The following CERKL variants were observed in gnomAD, a reference collection of about 807,000 sequenced individuals.
CERKL encodes the protein ceramide kinase-like protein.
A neutral mutation model predicts 63.4 loss-of-function variants in CERKL; 61 were observed. The ratio of observed to expected loss-of-function variants is 0.96; its 90% CI spans 0.78 to 1.19. The LOEUF (loss-of-function observed/expected upper bound fraction) is 1.19, where lower values mean the gene tolerates loss of function less well. Among genes scored for constraint, CERKL ranks in the 50% most tolerant of loss-of-function variants. The pLI is 0.00. For missense variants in CERKL, 675 were observed against 655.5 expected (o/e 1.03, Z -0.33); for synonymous variants, 250 against 230.5 (o/e 1.08, Z -0.77).
intron 1 of CERKL, among the ~76,000 whole-genome samples, chr2:181,616,179 G>A (rs1481351582): frequency 1.4e-5 from 2 of 145,926 alleles, no homozygotes; most frequent in African/African-American, 5.2e-5. Context: ...AGTCTAAGAT[G>A]AATCAATGAA....
intron 1 of CERKL, among the ~76,000 whole-genome samples, chr2:181,654,160 TAAA>T (rs553111069): frequency 7.0e-6 from 1 of 143,226 alleles, no homozygotes. Context: ...TTTCTCTACT[TAAA>T]AAAAAAAAAA....
chr2:181,577,576 G>A (rs1355369438), intron 2 of CERKL, among the ~76,000 whole-genome samples: 1 of 152,128 alleles, frequency 6.6e-6, no homozygotes, highest in Admixed American at 6.6e-5. Flanking sequence ...TAGAAAGGAG[G>A]TTGAAAATAA....
Position 181,607,258 on chromosome 2 carries a change from G to A in CERKL, c.239-3179C>T, listed in dbSNP as rs185806181. ...CACCAACCCTGAGAGTCCCTGGACC[G>A]CACTTTGAAAATGCTACTTTAACAC... On this transcript the variant is annotated intron_variant, in intron 1 of 12. Coordinates refer to ENST00000410087, the MANE Select transcript of CERKL (RefSeq NM_201548.5). Among the ~76,000 whole-genome samples, 461 of 152,270 alleles carry A rather than the reference G, an allele frequency of 3.0e-3. 5 individuals carry two copies. Among genetic ancestry groups the A allele is most frequent in the African/African-American group, 0.01 (416 of 41,530 alleles).
intron 1 of CERKL, among the ~76,000 whole-genome samples, chr2:181,612,884 T>C (rs1686027235): frequency 6.6e-6 from 1 of 152,156 alleles, no homozygotes. Flanking sequence ...AAGCAGTATT[T>C]TTCTGATTCA....
At chr2:181,632,414 G>A (rs1169163364) in intron 1 of CERKL, among the ~76,000 whole-genome samples, 1 of 152,160 alleles carries the variant, frequency 6.6e-6, no homozygotes, top group Non-Finnish European at 1.5e-5. Flanking sequence ...TTCCTCTAGT[G>A]AACGAGCATG....
chr2:181,600,890 C>T (rs1186625773), intron 2 of CERKL, among the ~76,000 whole-genome samples: 3 of 152,274 alleles, frequency 2.0e-5, no homozygotes, highest in South Asian at 2.1e-4. Context: ...TTCCACCCAA[C>T]AACACAAAAT....
chr2:181,656,834 C>G lies in CERKL; in HGVS notation c.173G>C (p.Ser58Thr), dbSNP rs1460465689. 6.2e-7 allele frequency: 1 copy of G among 1,604,406 alleles called. No homozygotes were observed. The highest frequency in any genetic ancestry group is 1.7e-5 in the Admixed American group (1 of 59,684). ...TCGCTCGCTCAGCACCACGTCACAA[C>G]TGTCCCTCCCGATCTCGAAGATGCC... is the stretch of plus-strand genomic sequence containing the variant. ...LRGIFEIGRDSCDVVLSERAL... is the reference protein window; with the variant it reads ...LRGIFEIGRDTCDVVLSERAL... The change falls in exon 1 of 13, where the codon AGT (serine) becomes ACT (threonine). Residue 58 changes from serine (S) to threonine (T), a missense_variant. Physicochemically the swap from Ser to Thr is moderately conservative, Grantham distance 58. Transcript: ENST00000410087.
intron 1 of CERKL, among the ~76,000 whole-genome samples, chr2:181,645,473 A>C (rs2105524652): frequency 6.6e-6 from 1 of 152,342 alleles, no homozygotes; most frequent in Non-Finnish European, 1.5e-5. Flanking sequence ...CTGGGAGGCC[A>C]TACTGCATGG....
intron 3 of CERKL, among the ~76,000 whole-genome samples, chr2:181,568,309 C>T (rs556989724): frequency 6.6e-6 from 1 of 152,260 alleles, no homozygotes; most frequent in Non-Finnish European, 1.5e-5. Context: ...AAGCTCAAAA[C>T]AGAATCCATT....
intron 1 of CERKL, among the ~76,000 whole-genome samples, chr2:181,637,629 C>G (rs1330022197): frequency 6.6e-6 from 1 of 151,934 alleles, no homozygotes; most frequent in African/African-American, 2.4e-5. Context: ...AATAAGCTTT[C>G]CTACCTACAG....
intron 5 of CERKL, among the ~76,000 whole-genome samples, chr2:181,551,766 T>C (rs577703952): frequency 6.6e-6 from 1 of 152,230 alleles, no homozygotes; most frequent in Non-Finnish European, 1.5e-5. Context: ...CTTATACACA[T>C]AGCCTGAAGA....
intron 10 of CERKL, 131 bp downstream of exon 10, chr2:181,547,487 C>G (rs1687776686): frequency 2.7e-6 from 2 of 728,924 alleles, no homozygotes; most frequent in Admixed American, 2.0e-5. Context: ...ATGACAAATC[C>G]CTTAGAATCT....
chr2:181,587,193 A>G (rs1684804178), intron 2 of CERKL, among the ~76,000 whole-genome samples: 1 of 152,214 alleles, frequency 6.6e-6, no homozygotes. Context: ...GCAGATCTTT[A>G]CATACACAGA....
chr2:181,539,309 C>T (rs1687379870), intron 11 of CERKL, 45 bp from the exon 12 acceptor site: 2 of 1,271,212 alleles, frequency 1.6e-6, no homozygotes, highest in African/African-American at 1.5e-5. Context: ...TTATCTCTAG[C>T]TACTAACGCG....
intron 1 of CERKL, among the ~76,000 whole-genome samples, chr2:181,636,321 T>A (rs1183602705): frequency 1.3e-5 from 2 of 152,168 alleles, no homozygotes; most frequent in Non-Finnish European, 2.9e-5. Flanking sequence ...CCCCAAATTT[T>A]GTCTTTGACA....
At position 181,539,072 on chromosome 2, in the gene CERKL, G is replaced by T; in HGVS notation, c.1538+20C>A. On this transcript the variant is annotated intron_variant, in intron 12 of 12. Transcript: ENST00000410087. ...TTATGTTTACTGGTTGACAATAAGC[G>T]GTGAAATAAATAGACTTACCTAATA... is the stretch of plus-strand genomic sequence containing the variant. 6.7e-7 allele frequency: 1 copy of T among 1,490,082 alleles called. No homozygotes were observed. Among genetic ancestry groups the T allele is most frequent in the Non-Finnish European group, 9.4e-7 (1 of 1,067,650 alleles). The allele number at this position is 1,490,082 out of a possible 1,614,324, so 92.3% of individuals were successfully genotyped here.
At chr2:181,583,285 A>C (rs960570740) in intron 2 of CERKL, among the ~76,000 whole-genome samples, 1 of 152,194 alleles carries the variant, frequency 6.6e-6, no homozygotes, top group Non-Finnish European at 1.5e-5. Context: ...AAAACTAGAT[A>C]TCTCTTCCCT....
At chr2:181,613,926 T>C (rs1371881195) in intron 1 of CERKL, among the ~76,000 whole-genome samples, 1 of 152,218 alleles carries the variant, frequency 6.6e-6, no homozygotes, top group Non-Finnish European at 1.5e-5. Context: ...TTAAGGAAAA[T>C]TGTTTTCTCA....
intron 2 of CERKL, among the ~76,000 whole-genome samples, chr2:181,593,953 A>T (rs2105880106): frequency 6.6e-6 from 1 of 152,202 alleles, no homozygotes; most frequent in Middle Eastern, 3.4e-3. Context: ...ACCTTACCCA[A>T]AGCAAGTCAA....
Sources: gnomAD v4.1 joint callset for allele counts (sites outside exome capture counted in the v4.1 genomes callset) on GRCh38, gnomAD v4.1.1 for gene constraint, MANE v1.5 for transcripts, NCBI Gene and HGNC (gene_info 2026-07-23, HGNC 2026-07-21) for gene names.